The following JARID2 variants were observed in gnomAD, a reference collection of about 807,000 sequenced individuals.
JARID2 encodes the protein jumonji and AT-rich interaction domain containing 2, also known as protein Jumonji.
JARID2 carries 21 observed loss-of-function variants against 125.6 expected under a neutral mutation model. The ratio of observed to expected loss-of-function variants is 0.17; its 90% CI spans 0.12 to 0.24. The LOEUF (loss-of-function observed/expected upper bound fraction) is 0.24. Ranked by LOEUF, JARID2 falls within the 10% of genes least tolerant of loss-of-function variation. The pLI is 1.00. For synonymous variants in JARID2, 736 were observed against 661.6 expected, an observed-to-expected ratio of 1.11 and a Z score of -1.73; for missense variants, 1,303 against 1,639.6, an observed-to-expected ratio of 0.79 and a Z score of 3.55.
intron 1 of JARID2, among the ~76,000 whole-genome samples, chr6:15,265,062 A>G (rs556461726): frequency 2.0e-5 from 3 of 152,330 alleles, no homozygotes; most frequent in Admixed American, 6.5e-5. Flanking sequence ...TGCATAAGTG[A>G]TGAGGCCAAG....
In JARID2 at chr6:15,356,132, C is replaced by T. The variant is rs1197942101; in HGVS notation, c.46-17985C>T. ...GCTATGTTTTCAAGGTTCATCCACG[C>T]TGCCCCATGAAATCTTTTTTACGGC... On this transcript the variant is annotated intron_variant, in intron 1 of 17. Transcript: ENST00000341776. Among the ~76,000 whole-genome samples, 4 of 152,200 alleles carry T rather than the reference C, an allele frequency of 2.6e-5. No individual in the cohort carries two copies. In the East Asian group the frequency reaches 7.7e-4, roughly 29 times the overall value.
At chr6:15,475,339 C>T (rs1354908779) in intron 5 of JARID2, among the ~76,000 whole-genome samples, 1 of 152,182 alleles carries the variant, frequency 6.6e-6, no homozygotes, top group Non-Finnish European at 1.5e-5. Flanking sequence ...CAGGTGCTGT[C>T]AGAAAAGAGG....
Position 15,427,412 on chromosome 6 carries a change from A to G in JARID2, c.323+17047A>G, listed in dbSNP as rs955655547. On this transcript the variant is annotated intron_variant, in intron 3 of 17. Coordinates refer to ENST00000341776, the MANE Select transcript of JARID2 (RefSeq NM_004973.4). ...AGAAAACAAAAAAGGCTGGAACTTC[A>G]TTTTTATTACTGCAGTGGCCATTTC... Among the ~76,000 whole-genome samples, 198 of 152,070 alleles carry G rather than the reference A, an allele frequency of 1.3e-3. 4 individuals carry two copies. Among genetic ancestry groups the G allele is most frequent in the Admixed American group, 0.013 (196 of 15,260 alleles).
intron 6 of JARID2, among the ~76,000 whole-genome samples, chr6:15,490,777 C>T (rs911952604): frequency 2.6e-5 from 4 of 152,216 alleles, no homozygotes; most frequent in Non-Finnish European, 4.4e-5. Context: ...GTCCAACAGA[C>T]GAGCTTTATT....
chr6:15,451,966 C>T, intron 3 of JARID2, 40 bp from the exon 4 acceptor site: 1 of 1,600,344 alleles, frequency 6.2e-7, no homozygotes, highest in Non-Finnish European at 8.5e-7. Context: ...ATCCTCCAGT[C>T]TCTGCTTAAT....
At chr6:15,458,965 C>T (rs974683183) in intron 4 of JARID2, among the ~76,000 whole-genome samples, 1 of 152,316 alleles carries the variant, frequency 6.6e-6, no homozygotes, top group South Asian at 2.1e-4. Flanking sequence ...TCATAATACA[C>T]CTATGAGGTT....
At chr6:15,307,050 G>T (rs1457316602) in intron 1 of JARID2, among the ~76,000 whole-genome samples, 1 of 151,216 alleles carries the variant, frequency 6.6e-6, no homozygotes, top group Non-Finnish European at 1.5e-5. Flanking sequence ...AACCAACCTG[G>T]CCAACACAGT....
chr6:15,465,683 G>T (rs1214188138), intron 4 of JARID2, among the ~76,000 whole-genome samples: 1 of 151,962 alleles, frequency 6.6e-6, no homozygotes, highest in Non-Finnish European at 1.5e-5. Flanking sequence ...CTGTTAAGTG[G>T]AAGTTAATTC....
chr6:15,495,751 A>G (rs776001133), intron 6 of JARID2, among the ~76,000 whole-genome samples: 2 of 152,182 alleles, frequency 1.3e-5, no homozygotes, highest in Non-Finnish European at 2.9e-5. Context: ...TGCTGTCATC[A>G]ACTCTGAGAA....
chr6:15,297,991 G>C (rs1312402116), intron 1 of JARID2, among the ~76,000 whole-genome samples: 1 of 151,938 alleles, frequency 6.6e-6, no homozygotes, highest in African/African-American at 2.4e-5. Flanking sequence ...CTATGCACAA[G>C]TAGATCTAAG....
chr6:15,370,358 C>G (rs777927513), intron 1 of JARID2, among the ~76,000 whole-genome samples: 12 of 117,634 alleles, frequency 1.0e-4, no homozygotes, highest in Admixed American at 1.0e-4. Flanking sequence ...TTTTTAAAGA[C>G]TTGCTCTGTC....
chr6:15,369,260 C>G (rs1276918112), intron 1 of JARID2: 1 of 413,206 alleles, frequency 2.4e-6, no homozygotes, highest in Non-Finnish European at 5.0e-6. Context: ...CCACAGACCA[C>G]CTGTACCTTA....
chr6:15,416,567 A>C (rs995638354), intron 3 of JARID2, among the ~76,000 whole-genome samples: 2 of 152,136 alleles, frequency 1.3e-5, no homozygotes, highest in African/African-American at 4.8e-5. Flanking sequence ...GCGCGCCTGC[A>C]ATGGCAGGCA....
intron 1 of JARID2, among the ~76,000 whole-genome samples, 164 bp from the exon 2 acceptor site, chr6:15,373,953 A>G (rs950216585): frequency 1.1e-4 from 17 of 152,240 alleles, no homozygotes; most frequent in Admixed American, 1.1e-3. Flanking sequence ...CTGTTCAGAA[A>G]GGTCATTGCC....
intron 1 of JARID2, among the ~76,000 whole-genome samples, chr6:15,260,616 A>T (rs1581335830): frequency 6.6e-6 from 1 of 152,234 alleles, no homozygotes; most frequent in Non-Finnish European, 1.5e-5. Flanking sequence ...CCTGGTACAA[A>T]TAAGAACTTG....
intron 1 of JARID2, among the ~76,000 whole-genome samples, chr6:15,300,160 C>T (rs1761553766): frequency 6.6e-6 from 1 of 152,106 alleles, no homozygotes; most frequent in South Asian, 2.1e-4. Context: ...TTGGGATAGG[C>T]AGAAATCTGT....
intron 1 of JARID2, among the ~76,000 whole-genome samples, chr6:15,325,389 A>G (rs958741582): frequency 2.6e-5 from 4 of 152,198 alleles, no homozygotes; most frequent in Admixed American, 6.5e-5. Flanking sequence ...TTGCTTGTCA[A>G]GAGACCCAGC....
At chr6:15,483,006 T>G (rs1275931933) in intron 5 of JARID2, among the ~76,000 whole-genome samples, 2 of 152,204 alleles carry the variant, frequency 1.3e-5, no homozygotes, top group Non-Finnish European at 2.9e-5. Context: ...GAAATTCTAA[T>G]TTTTGCCTGA....
intron 2 of JARID2, among the ~76,000 whole-genome samples, chr6:15,382,683 C>A (rs919778103): frequency 6.6e-6 from 1 of 152,296 alleles, no homozygotes; most frequent in Non-Finnish European, 1.5e-5. Context: ...CATGCTGAAG[C>A]CTGATTGGAA....
Sources: allele counts gnomAD v4.1 joint callset (sites outside exome capture counted in the v4.1 genomes callset), GRCh38; gene constraint gnomAD v4.1.1; transcripts MANE v1.5; gene names NCBI Gene and HGNC (gene_info 2026-07-23, HGNC 2026-07-21).